SERINC2: variants seen among roughly 807,000 people sequenced by gnomAD.
SERINC2 encodes tumor differentially expressed protein 2.
Under a neutral mutation model 54.2 loss-of-function variants are expected in SERINC2, and 56 were observed. That is an observed-to-expected ratio of 1.03 (90% CI 0.83 to 1.29). The LOEUF is 1.29. Ranked by LOEUF, SERINC2 falls within the 50% of genes most tolerant of loss-of-function variation. The pLI is 0.00. For missense variants in SERINC2, 614 were observed against 607.4 expected (o/e 1.01, Z -0.12); for synonymous variants, 272 against 253.1 (o/e 1.07, Z -0.71).
chr1:31,424,763 C>T lies in SERINC2; in HGVS notation c.282C>T (p.Tyr94=). Residue 94 remains tyrosine (Y), a synonymous_variant, in exon 3 of 10, where the codon TAC becomes TAT. Transcript: ENST00000373709. ...GHIDCGSLLG[Y]RAVYRMCFAT... ...TCGACTGTGGCTCCCTGCTTGGCTA[C>T]CGCGCTGTCTACCGCATGTGCTTCG... The T allele has an allele frequency of 6.2e-7, 1 of 1,611,764 alleles. No homozygotes were observed. The highest frequency in any genetic ancestry group is 8.5e-7 in the Non-Finnish European group (1 of 1,179,240).
At chr1:31,420,013 AT>A (rs11382546) in intron 1 of SERINC2, among the ~76,000 whole-genome samples, 1 of 151,854 alleles carries the variant, frequency 6.6e-6, no homozygotes, top group South Asian at 2.1e-4. Context: ...TGTCTCAAAA[AT>A]TTTTCCCCCT....
chr1:31,410,282 G>T, upstream of SERINC2: 1 of 1,513,480 alleles, frequency 6.6e-7, no homozygotes, highest in Non-Finnish European at 8.9e-7. Context: ...TGATGGGCTG[G>T]CCAGGACACC....
intron 8 of SERINC2, among the ~76,000 whole-genome samples, chr1:31,432,212 G>A (rs974894478): frequency 6.6e-6 from 1 of 151,472 alleles, no homozygotes; most frequent in Non-Finnish European, 1.5e-5. Flanking sequence ...AGAGTGGACA[G>A]GGTGGAGAGG....
At chr1:31,431,822 A>T (rs371084613) in intron 8 of SERINC2, among the ~76,000 whole-genome samples, 1,606 of 111,872 alleles carry the variant, frequency 0.014, 44 homozygotes, top group African/African-American at 0.027. Flanking sequence ...GACAGGGTGG[A>T]TAGGGTGGAT....
At chr1:31,413,164 C>A (rs1376588242), upstream of SERINC2, 2 of 856,930 alleles carry the variant, frequency 2.3e-6, no homozygotes, top group Admixed American at 7.2e-5. This position sits in a 1 kb window ranked among gnomAD's most constrained non-coding sequence, Gnocchi z 5.0. Flanking sequence ...GGGGCGGGGC[C>A]GGGGCGGGGC....
At chr1:31,410,467 G>A (rs1473896806), upstream of SERINC2, 9 of 1,549,552 alleles carry the variant, frequency 5.8e-6, no homozygotes, top group African/African-American at 9.6e-5. Flanking sequence ...GGGCGTGTGA[G>A]AGCCCAGCCG....
chr1:31,432,495 A>G (rs1368375431), intron 8 of SERINC2, among the ~76,000 whole-genome samples: 1 of 152,094 alleles, frequency 6.6e-6, no homozygotes, highest in Non-Finnish European at 1.5e-5. Context: ...ATAAAATGGA[A>G]ACTTAAAATC....
At chr1:31,414,632 C>CAGG (rs1489078079) in intron 1 of SERINC2, 3 of 985,598 alleles carry the variant, frequency 3.0e-6, no homozygotes, top group Non-Finnish European at 3.6e-6. Context: ...TGTGCGTGTG[C>CAGG]AGGAGGAGGA....
chr1:31,425,644 C>A, intron 4 of SERINC2, 132 bp from the exon 5 acceptor site: 4 of 1,190,116 alleles, frequency 3.4e-6, no homozygotes, highest in Non-Finnish European at 4.8e-6. Context: ...CTGTGCGTAG[C>A]TAGGGGCTCC....
intron 6 of SERINC2, among the ~76,000 whole-genome samples, 160 bp downstream of exon 6, chr1:31,426,983 C>A (rs1470172407): frequency 6.6e-6 from 1 of 152,120 alleles, no homozygotes; most frequent in South Asian, 2.1e-4. Flanking sequence ...CAGGCTCTCA[C>A]GGCTTCATGC....
At chr1:31,424,399 A>G (rs1271428575) in intron 2 of SERINC2, among the ~76,000 whole-genome samples, 3 of 152,194 alleles carry the variant, frequency 2.0e-5, no homozygotes, top group Non-Finnish European at 2.9e-5. Context: ...TTTGGGAACC[A>G]CTGCTTTAGA....
upstream of SERINC2, chr1:31,409,861 G>C: frequency 6.4e-7 from 1 of 1,554,940 alleles, no homozygotes; most frequent in Non-Finnish European, 8.7e-7. Flanking sequence ...TGGTAAGAGG[G>C]GATGGGGAGA....
In SERINC2 at chr1:31,415,947, A is replaced by G. The variant is rs373525114; in HGVS notation, c.39+2643A>G. 113 of 982,504 alleles carry G rather than the reference A, an allele frequency of 1.2e-4. No individual in the cohort carries two copies. The East Asian group carries it at 9.2e-3, about 80-fold the overall frequency. 60.9% of individuals were successfully genotyped at this position (982,504 alleles called of 1,614,324 possible). A position where few individuals can be genotyped will look rare whatever the true frequency, so the allele number is the denominator to read the frequency against. On this transcript the variant is annotated intron_variant, in intron 1 of 9. Transcript: ENST00000373709. The stretch of plus-strand genomic sequence containing the variant: ...GGATGGGGAGGTAAGATGGGTCCAC[A>G]GGGGATGGGGCCACCAGGCAAGCCG...
chr1:31,423,610 TGC>T (rs782024309), intron 1 of SERINC2, 81 bp from the exon 2 acceptor site: 2 of 1,422,512 alleles, frequency 1.4e-6, no homozygotes, highest in Non-Finnish European at 1.9e-6. Context: ...GCAGCACAGA[TGC>T]GCCGACCTCT....
chr1:31,410,207 T>C, upstream of SERINC2: 1 of 1,441,616 alleles, frequency 6.9e-7, no homozygotes, highest in Non-Finnish European at 9.1e-7. Flanking sequence ...GACTGTGCTT[T>C]TGGGGGTGCA....
intron 1 of SERINC2, among the ~76,000 whole-genome samples, chr1:31,418,235 G>A (rs185120428): frequency 3.9e-5 from 6 of 152,192 alleles, no homozygotes; most frequent in South Asian, 4.1e-4. Flanking sequence ...CATTCATCTC[G>A]TCCACCAATG....
chr1:31,410,157 T>G, upstream of SERINC2: 1 of 1,425,762 alleles, frequency 7.0e-7, no homozygotes, highest in East Asian at 2.5e-5. Flanking sequence ...AGGCTCAGAG[T>G]GGTTGGGTGA....
At chr1:31,409,962 C>T, upstream of SERINC2, 1 of 1,075,436 alleles carries the variant, frequency 9.3e-7, no homozygotes, top group Non-Finnish European at 1.3e-6. Flanking sequence ...GATTAGAGAA[C>T]CTTGGGGTGG....
At chr1:31,428,590 G>A (rs1557496766) in intron 6 of SERINC2, among the ~76,000 whole-genome samples, 1 of 152,210 alleles carries the variant, frequency 6.6e-6, no homozygotes, top group Non-Finnish European at 1.5e-5. Flanking sequence ...GTGCGGAGAT[G>A]CTGGGAAGGA....
Sources: gnomAD v4.1 joint callset for allele counts (sites outside exome capture counted in the v4.1 genomes callset) on GRCh38, gnomAD v4.1.1 for gene constraint, Gnocchi (gnomAD v3.1) non-coding constraint, MANE v1.5 for transcripts, NCBI Gene and HGNC (gene_info 2026-07-23, HGNC 2026-07-21) for gene names.